Variants in SPMIP7 observed in about 807,000 individuals in gnomAD.
SPMIP7 encodes protein SPMIP7.
chr7:50,145,266 A>T, the SPMIP7 span, among the ~76,000 whole-genome samples: 1 of 144,784 alleles, frequency 6.9e-6, no homozygotes, highest in Admixed American at 7.0e-5. Flanking sequence ...CTCAAAAATG[A>T]AAAAAAAAAA....
At chr7:50,140,637 G>A in the SPMIP7 span, among the ~76,000 whole-genome samples, 1 of 152,112 alleles carries the variant, frequency 6.6e-6, no homozygotes, top group Non-Finnish European at 1.5e-5. Flanking sequence ...TGCCAGTTGG[G>A]GTCTTCTCCT....
chr7:50,118,608 A>C, the SPMIP7 span, among the ~76,000 whole-genome samples: 1 of 152,198 alleles, frequency 6.6e-6, no homozygotes, highest in Non-Finnish European at 1.5e-5. Flanking sequence ...TCCTTTATGG[A>C]GCATCCCTGG....
At chr7:50,097,118 T>C in the SPMIP7 span, among the ~76,000 whole-genome samples, 1 of 152,196 alleles carries the variant, frequency 6.6e-6, no homozygotes, top group Non-Finnish European at 1.5e-5. Context: ...TCTGCATAAA[T>C]AGCTCCACAG....
chr7:50,098,462 A>T, the SPMIP7 span, among the ~76,000 whole-genome samples: 2 of 152,138 alleles, frequency 1.3e-5, no homozygotes, highest in Non-Finnish European at 2.9e-5. Context: ...TGATATCAAT[A>T]TTGATACCAC....
At chr7:50,142,637 A>G in the SPMIP7 span, 96 of 152,242 alleles carry the variant, frequency 6.3e-4, no homozygotes, top group African/African-American at 5.8e-4. Context: ...AGACACAGAA[A>G]GATATAGTGT....
the SPMIP7 span, among the ~76,000 whole-genome samples, chr7:50,118,169 A>T: frequency 6.6e-6 from 1 of 152,182 alleles, no homozygotes; most frequent in African/African-American, 2.4e-5. Flanking sequence ...CAAAATTGGT[A>T]TCCGAATGCC....
the SPMIP7 span, among the ~76,000 whole-genome samples, chr7:50,107,064 C>G: frequency 2.6e-5 from 4 of 151,786 alleles, no homozygotes; most frequent in Admixed American, 2.0e-4. Context: ...TGGCAAAACC[C>G]CATCTCTATT....
the SPMIP7 span, among the ~76,000 whole-genome samples, chr7:50,121,855 C>T: frequency 6.6e-6 from 1 of 151,778 alleles, no homozygotes; most frequent in East Asian, 1.9e-4. Flanking sequence ...TGGAGTTTCA[C>T]CATGTTGACC....
the SPMIP7 span, among the ~76,000 whole-genome samples, chr7:50,104,980 T>G: frequency 3.9e-5 from 6 of 152,206 alleles, no homozygotes. Context: ...ATTGTCATAT[T>G]ATTTGAGAAA....
chr7:50,135,636 G>T, the SPMIP7 span, among the ~76,000 whole-genome samples: 1 of 152,070 alleles, frequency 6.6e-6, no homozygotes, highest in Non-Finnish European at 1.5e-5. Flanking sequence ...TGTGAAAGTT[G>T]GTCCTTTCAT....
chr7:50,133,088 A>C, the SPMIP7 span, among the ~76,000 whole-genome samples: 2 of 152,264 alleles, frequency 1.3e-5, no homozygotes, highest in Non-Finnish European at 2.9e-5. Context: ...GGATCCATCT[A>C]TCTTGTCAGA....
chr7:50,125,948 A>G, the SPMIP7 span, among the ~76,000 whole-genome samples: 2 of 151,656 alleles, frequency 1.3e-5, no homozygotes, highest in African/African-American at 4.9e-5. Flanking sequence ...AAATGTGACA[A>G]GAGAAAGATT....
At chr7:50,125,127 C>T in the SPMIP7 span, among the ~76,000 whole-genome samples, 5 of 15,582 alleles carry the variant, frequency 3.2e-4, no homozygotes, top group East Asian at 5.9e-3. Context: ...CACACACACA[C>T]ACACACACAC....
the SPMIP7 span, among the ~76,000 whole-genome samples, chr7:50,138,223 G>A: frequency 6.6e-6 from 1 of 152,142 alleles, no homozygotes; most frequent in Non-Finnish European, 1.5e-5. Flanking sequence ...AATTATGCTA[G>A]CTCAGTTTAA....
the SPMIP7 span, among the ~76,000 whole-genome samples, chr7:50,130,758 G>A: frequency 6.6e-6 from 1 of 151,960 alleles, no homozygotes; most frequent in Non-Finnish European, 1.5e-5. Flanking sequence ...AAATTTGGAG[G>A]AGTTGAGAGA....
chr7:50,153,934 G>A, the SPMIP7 span, among the ~76,000 whole-genome samples: 10 of 152,186 alleles, frequency 6.6e-5, no homozygotes, highest in African/African-American at 2.2e-4. Flanking sequence ...GCCAATAGGA[G>A]GCTTTATCAA....
chr7:50,157,828 A>AGT, the SPMIP7 span, among the ~76,000 whole-genome samples: 2 of 152,134 alleles, frequency 1.3e-5, no homozygotes, highest in African/African-American at 4.8e-5. Flanking sequence ...CAGAATAGGG[A>AGT]GTTTGGGAAT....
the SPMIP7 span, among the ~76,000 whole-genome samples, chr7:50,111,375 T>A: frequency 6.6e-6 from 1 of 152,034 alleles, no homozygotes; most frequent in Non-Finnish European, 1.5e-5. Flanking sequence ...CACACAAGAT[T>A]GACTGAACCA....
At chr7:50,136,239 T>C in the SPMIP7 span, 16 of 1,136,096 alleles carry the variant, frequency 1.4e-5, no homozygotes, top group East Asian at 3.9e-4. Flanking sequence ...GCTGATGCTG[T>C]AGCCCTTGGC....
Sources: allele counts gnomAD v4.1 joint callset (sites outside exome capture counted in the v4.1 genomes callset), GRCh38; gene constraint gnomAD v4.1.1; transcripts MANE v1.5; gene names NCBI Gene and HGNC (gene_info 2026-07-23, HGNC 2026-07-21).